Variants in HS2ST1 observed in about 807,000 individuals in gnomAD.
The protein encoded by HS2ST1 is 2-O-sulfotransferase.
HS2ST1 carries 18 observed loss-of-function variants against 42.9 expected under a neutral mutation model. The ratio of observed to expected loss-of-function variants is 0.42; its 90% CI spans 0.29 to 0.62. The LOEUF (loss-of-function observed/expected upper bound fraction) is 0.62. Among genes scored for constraint, HS2ST1 ranks in the 20% least tolerant of loss-of-function variants. HS2ST1 has a pLI of 0.21. For missense variants in HS2ST1, 334 were observed against 433.8 expected (o/e 0.77, Z 2.04); for synonymous variants, 146 against 152.9 (o/e 0.95, Z 0.33).
chr1:86,921,093 A>G (rs1660283169), intron 1 of HS2ST1, among the ~76,000 whole-genome samples: 1 of 151,980 alleles, frequency 6.6e-6, no homozygotes, highest in Non-Finnish European at 1.5e-5. Flanking sequence ...ATTACAAATA[A>G]AAAAAAACTA....
chr1:86,933,516 A>G (rs938126160), intron 1 of HS2ST1, among the ~76,000 whole-genome samples: 1 of 151,996 alleles, frequency 6.6e-6, no homozygotes, highest in Non-Finnish European at 1.5e-5. Flanking sequence ...TAGAGTTTCC[A>G]TGTCTCTGCC....
At chr1:86,977,252 A>C (rs975789112) in intron 1 of HS2ST1, among the ~76,000 whole-genome samples, 5 of 152,186 alleles carry the variant, frequency 3.3e-5, no homozygotes, top group South Asian at 2.1e-4. Flanking sequence ...TGTTTATGTC[A>C]TCAGACAATG....
intron 1 of HS2ST1, among the ~76,000 whole-genome samples, chr1:86,967,056 C>T (rs1290189939): frequency 2.0e-5 from 3 of 151,848 alleles, no homozygotes; most frequent in Non-Finnish European, 4.4e-5. Context: ...CATGCCCAGC[C>T]GGTTTTGCAT....
chr1:86,971,639 T>C (rs1228160884), intron 1 of HS2ST1, among the ~76,000 whole-genome samples: 2 of 152,222 alleles, frequency 1.3e-5, no homozygotes, highest in Non-Finnish European at 2.9e-5. Flanking sequence ...GCAGAAAGTT[T>C]TGTTCTGAAC....
At chr1:87,068,758 G>A (rs1651319152) in intron 1 of HS2ST1, among the ~76,000 whole-genome samples, 1 of 152,122 alleles carries the variant, frequency 6.6e-6, no homozygotes, top group Non-Finnish European at 1.5e-5. Flanking sequence ...CTGTATTCTT[G>A]TAACGCTATA....
chr1:86,972,557 G>A (rs1648263635), intron 1 of HS2ST1, among the ~76,000 whole-genome samples: 1 of 152,048 alleles, frequency 6.6e-6, no homozygotes, highest in African/African-American at 2.4e-5. Context: ...TGCCTAATTT[G>A]TAAATTAAAC....
intron 5 of HS2ST1, among the ~76,000 whole-genome samples, chr1:87,101,396 C>A (rs1652202492): frequency 6.6e-6 from 1 of 151,800 alleles, no homozygotes; most frequent in Non-Finnish European, 1.5e-5. Context: ...GAACTCCAGA[C>A]CTCAGGTAAT....
At chr1:87,091,892 C>G (rs906191641) in intron 3 of HS2ST1, among the ~76,000 whole-genome samples, 1 of 151,998 alleles carries the variant, frequency 6.6e-6, no homozygotes, top group Admixed American at 6.6e-5. Flanking sequence ...TGCTGAAAAC[C>G]TAGTGTCTTT....
chr1:87,074,954 A>T (rs576086085), intron 2 of HS2ST1, among the ~76,000 whole-genome samples: 1 of 151,994 alleles, frequency 6.6e-6, no homozygotes, highest in Non-Finnish European at 1.5e-5. Context: ...CAAACAAGTT[A>T]TATTTACTGC....
chr1:86,925,119 G>T (rs1660387504), intron 1 of HS2ST1, among the ~76,000 whole-genome samples: 1 of 152,144 alleles, frequency 6.6e-6, no homozygotes, highest in Non-Finnish European at 1.5e-5. Flanking sequence ...GATCTCTAGG[G>T]CAGGGGCAAA....
At chr1:87,040,581 G>T (rs1650496302) in intron 1 of HS2ST1, among the ~76,000 whole-genome samples, 1 of 152,234 alleles carries the variant, frequency 6.6e-6, no homozygotes, top group South Asian at 2.1e-4. Flanking sequence ...GGTGAGGACA[G>T]GTACTAGAAG....
chr1:87,098,815 T>G (rs1374074059), intron 5 of HS2ST1, among the ~76,000 whole-genome samples: 10 of 152,168 alleles, frequency 6.6e-5, no homozygotes, highest in African/African-American at 9.7e-5. Context: ...AGAATCTCAC[T>G]CTATCACACA....
intron 1 of HS2ST1, among the ~76,000 whole-genome samples, chr1:87,051,863 A>T (rs1020956923): frequency 6.6e-6 from 1 of 152,234 alleles, no homozygotes; most frequent in African/African-American, 2.4e-5. Flanking sequence ...TCTTTAGAAT[A>T]TTAATACCTG....
At chr1:87,015,402 C>T (rs181898226) in intron 1 of HS2ST1, among the ~76,000 whole-genome samples, 330 of 140,866 alleles carry the variant, frequency 2.3e-3, no homozygotes, top group Middle Eastern at 0.021. Flanking sequence ...GGCTGGAATG[C>T]GGTGGCGCAA....
At chr1:86,937,835 G>GT (rs1660688034) in intron 1 of HS2ST1, among the ~76,000 whole-genome samples, 1 of 150,418 alleles carries the variant, frequency 6.6e-6, no homozygotes, top group South Asian at 2.1e-4. Context: ...ATTGGCATTC[G>GT]TTGGTACCTT....
intron 1 of HS2ST1, chr1:87,045,381 T>C (rs1319557158): frequency 1.4e-5 from 20 of 1,453,748 alleles, no homozygotes; most frequent in East Asian, 4.6e-5. Context: ...TCAGAAGATA[T>C]TAGGATTGTT....
intron 2 of HS2ST1, among the ~76,000 whole-genome samples, chr1:87,079,880 T>A (rs539689752): frequency 1.4e-4 from 19 of 135,166 alleles, no homozygotes; most frequent in South Asian, 4.5e-4. Flanking sequence ...AAAAAAAAAA[T>A]TTTTTTTTTC....
intron 1 of HS2ST1, among the ~76,000 whole-genome samples, chr1:87,071,299 A>G (rs1424682775): frequency 1.3e-5 from 2 of 152,210 alleles, no homozygotes; most frequent in Non-Finnish European, 2.9e-5. Flanking sequence ...TGTTGCTGTA[A>G]TTATACCACA....
intron 1 of HS2ST1, among the ~76,000 whole-genome samples, chr1:87,027,662 G>T (rs1375736715): frequency 1.3e-5 from 2 of 152,120 alleles, no homozygotes; most frequent in Non-Finnish European, 2.9e-5. Flanking sequence ...CAAAAAAAAG[G>T]CTTTTATATT....
Sources: allele counts gnomAD v4.1 joint callset (sites outside exome capture counted in the v4.1 genomes callset), GRCh38; gene constraint gnomAD v4.1.1; transcripts MANE v1.5; gene names NCBI Gene and HGNC (gene_info 2026-07-23, HGNC 2026-07-21).